RNF25: variants seen among roughly 807,000 people sequenced by gnomAD.
RNF25 encodes ring finger protein 25.
RNF25 carries 32 observed loss-of-function variants against 65.0 expected under a neutral mutation model. The ratio of observed to expected loss-of-function variants is 0.49; its 90% CI spans 0.37 to 0.66. RNF25 has a LOEUF of 0.66. Ranked by LOEUF, RNF25 falls within the 30% of genes least tolerant of loss-of-function variation. The pLI is 0.00. For missense variants in RNF25, 493 were observed against 584.8 expected (o/e 0.84, Z 1.62); for synonymous variants, 207 against 221.2 (o/e 0.94, Z 0.57).
At chr2:218,669,059 C>A (rs911676751) in intron 1 of RNF25, among the ~76,000 whole-genome samples, 4 of 152,194 alleles carry the variant, frequency 2.6e-5, no homozygotes, top group African/African-American at 9.7e-5. Context: ...ATTAACGTTA[C>A]CAATATTACT....
Position 218,668,344 on chromosome 2 carries a change from G to A in RNF25, c.117-3C>T. ...TGTAGATCTCCCATGGTGAAGTTCT[G>A]CAGGTGGATCAAGTGGACACGCAGA... On this transcript the variant is annotated splice_polypyrimidine_tract_variant and splice_region_variant and intron_variant, in intron 2 of 9. Transcript: ENST00000295704. 1 of 1,605,734 alleles carries A rather than the reference G, an allele frequency of 6.2e-7. No homozygotes were observed. Among genetic ancestry groups the A allele is most frequent in the Non-Finnish European group, 8.5e-7 (1 of 1,175,402 alleles).
In RNF25 at chr2:218,668,689, CA is replaced by C; in HGVS notation, c.42-11del. 6.3e-7 allele frequency: 1 copy of C among 1,577,236 alleles called. No homozygotes were observed. Among genetic ancestry groups the C allele is most frequent in the Non-Finnish European group, 8.7e-7 (1 of 1,147,452 alleles). ...TTCAGAGGGAAGGACCCTAGAGAGA[CA>C]GGAGTAGACTAACTTACCATTACAG... On this transcript the variant is annotated splice_polypyrimidine_tract_variant and intron_variant, in intron 1 of 9. Transcript: ENST00000295704.
Position 218,665,136 on chromosome 2 carries a change from T to C in RNF25, c.666+19A>G, listed in dbSNP as rs958122431. 4 of 1,610,202 alleles carry C rather than the reference T, an allele frequency of 2.5e-6. No individual in the cohort carries two copies. In the African/African-American group the frequency reaches 4.0e-5, roughly 16 times the overall value. On this transcript the variant is annotated intron_variant, in intron 8 of 9. Transcript: ENST00000295704. ...AAATACCATTACTCCTGGCTCAGAT[T>C]GGAAAAAAGTCTCCTTACCATGGGC...
chr2:218,669,737 G>T (rs1280780023), intron 1 of RNF25, among the ~76,000 whole-genome samples: 4 of 152,216 alleles, frequency 2.6e-5, no homozygotes, highest in African/African-American at 9.6e-5. Flanking sequence ...GAGTAAGGCT[G>T]CCCCAGCACG....
In RNF25 at chr2:218,663,985, A is replaced by C; in HGVS notation, c.1352T>G (p.Leu451Arg). 1 of 1,459,874 alleles carries C rather than the reference A, an allele frequency of 6.8e-7. No homozygotes were observed. The highest frequency in any genetic ancestry group is 1.4e-5 in the African/African-American group (1 of 70,954). The allele number at this position is 1,459,874 out of a possible 1,614,324, so 90.4% of individuals were successfully genotyped here. Reference protein sequence around the residue: ...AYRPGTRRESLGLESKDGS With the variant: ...AYRPGTRRESRGLESKDGS ...GGAACCATCCTTAGATTCCAGGCCCAGGGACTCCCTCCGAGTACCAGGCCG... is the reference window on the plus strand; with the variant it reads ...GGAACCATCCTTAGATTCCAGGCCCCGGGACTCCCTCCGAGTACCAGGCCG... Residue 451 changes from leucine to arginine, a missense_variant, in exon 10 of 10, where the codon CTG becomes CGG. By Grantham distance (102) the Leu-to-Arg change is moderately radical. Coordinates refer to ENST00000295704, the MANE Select transcript of RNF25 (RefSeq NM_022453.3).
intron 7 of RNF25, 112 bp from the exon 8 acceptor site, chr2:218,665,359 C>T (rs909617744): frequency 2.1e-5 from 18 of 874,842 alleles, no homozygotes; most frequent in Non-Finnish European, 3.2e-5. Flanking sequence ...ACAGGGACAC[C>T]GGTTCAGCAG....
intron 1 of RNF25, among the ~76,000 whole-genome samples, chr2:218,670,005 G>A (rs1180557979): frequency 6.6e-6 from 1 of 151,918 alleles, no homozygotes; most frequent in African/African-American, 2.4e-5. Context: ...TTGAGGCCAG[G>A]AGTTCGAGAC....
Position 218,664,883 on chromosome 2 carries a change from A to G in RNF25, c.667-10T>C. On this transcript the variant is annotated splice_polypyrimidine_tract_variant and intron_variant, in intron 8 of 9. Coordinates refer to ENST00000295704, the MANE Select transcript of RNF25 (RefSeq NM_022453.3). This position sits in a 1 kb window ranked among gnomAD's most constrained non-coding sequence, Gnocchi z 5.1. ...TGGGCTGGTACAGCTCCTGGAAGGA[A>G]GAATGGCAGAGAGGAAATAATGAAC... 1 of 1,614,072 alleles carries G rather than the reference A, an allele frequency of 6.2e-7. No individual in the cohort carries two copies. Among genetic ancestry groups the G allele is most frequent in the Non-Finnish European group, 8.5e-7 (1 of 1,179,990 alleles).
chr2:218,671,702 C>A (rs888506366), intron 1 of RNF25, among the ~76,000 whole-genome samples: 23 of 152,182 alleles, frequency 1.5e-4, no homozygotes, highest in Admixed American at 1.3e-3. Context: ...CCGGATGCGG[C>A]GAGGCCTGAA....
At chr2:218,665,788 G>C (rs1189647159) in intron 7 of RNF25, 128 bp downstream of exon 7, 2 of 1,204,188 alleles carry the variant, frequency 1.7e-6, no homozygotes, top group Non-Finnish European at 2.3e-6. Flanking sequence ...AGAGGTAAGA[G>C]TTCATTAATC....
chr2:218,671,778 C>G, intron 1 of RNF25, 152 bp downstream of exon 1: 1 of 888,978 alleles, frequency 1.1e-6, no homozygotes, highest in South Asian at 1.7e-5. Context: ...CCTCCCGTTC[C>G]CCAGTCCAGC....
chr2:218,670,423 C>T (rs1270481909), intron 1 of RNF25, among the ~76,000 whole-genome samples: 1 of 150,426 alleles, frequency 6.6e-6, no homozygotes, highest in Non-Finnish European at 1.5e-5. Flanking sequence ...GGGCCGGGCG[C>T]GGTGGCTCAG....
In RNF25 at chr2:218,665,253, A is replaced by G; in HGVS notation, c.574-6T>C. 6.2e-7 allele frequency: 1 copy of G among 1,612,340 alleles called. No homozygotes were observed. The highest frequency in any genetic ancestry group is 1.3e-5 in the African/African-American group (1 of 74,870). On this transcript the variant is annotated splice_region_variant and splice_polypyrimidine_tract_variant and intron_variant, in intron 7 of 9. Transcript: ENST00000295704. ...CACTGCACACCGACTGCCTTCTAAA[A>G]AAGAGAAAAATCATATGCCTGTGTC...
At chr2:218,668,798 A>T (rs561095426) in intron 1 of RNF25, 119 bp from the exon 2 acceptor site, 1 of 712,190 alleles carries the variant, frequency 1.4e-6, no homozygotes, top group East Asian at 2.5e-5. Context: ...TTCTCCTGCT[A>T]AACTCCTTAA....
intron 1 of RNF25, among the ~76,000 whole-genome samples, chr2:218,669,708 T>A (rs1189117049): frequency 6.6e-6 from 1 of 152,260 alleles, no homozygotes; most frequent in African/African-American, 2.4e-5. Flanking sequence ...TTTCTCACAC[T>A]GCTCCCTCTT....
At chr2:218,665,273 T>C (rs373344779) in intron 7 of RNF25, 26 bp from the exon 8 acceptor site, 45 of 1,604,608 alleles carry the variant, frequency 2.8e-5, no homozygotes, top group Non-Finnish European at 3.8e-5. Context: ...ATCATATGCC[T>C]GTGTCACAGC....
chr2:218,668,572 G>C (rs1300573230), intron 2 of RNF25, 33 bp downstream of exon 2: 14 of 1,466,024 alleles, frequency 9.5e-6, no homozygotes, highest in South Asian at 2.3e-5. Context: ...CATTACTAGG[G>C]GGACTCCTGC....
At chr2:218,668,506 C>G (rs60520272) in intron 2 of RNF25, 99 bp downstream of exon 2, 40,580 of 1,023,430 alleles carry the variant, frequency 0.04, 1,156 homozygotes, top group East Asian at 0.11. Context: ...GAAATATTAT[C>G]TCTGAATCAA....
chr2:218,665,874 C>G (rs1939811189), intron 7 of RNF25, 42 bp downstream of exon 7: 1 of 1,589,146 alleles, frequency 6.3e-7, no homozygotes, highest in Non-Finnish European at 8.6e-7. Flanking sequence ...AAAGGCTGTG[C>G]CTAAGGGTGT....
Sources: gnomAD v4.1 joint callset for allele counts (sites outside exome capture counted in the v4.1 genomes callset) on GRCh38, gnomAD v4.1.1 for gene constraint, Gnocchi (gnomAD v3.1) non-coding constraint, MANE v1.5 for transcripts, NCBI Gene and HGNC (gene_info 2026-07-23, HGNC 2026-07-21) for gene names.